The following INTS13 variants were observed in gnomAD, a reference collection of about 807,000 sequenced individuals.
INTS13 encodes the protein integrator complex subunit 13, also known as asunder, spermatogenesis regulator homolog (Drosphila).
A neutral mutation model predicts 90.2 loss-of-function variants in INTS13; 35 were observed. The ratio of observed to expected loss-of-function variants is 0.39; its 90% CI spans 0.30 to 0.51. The LOEUF is 0.51. Ranked by LOEUF, INTS13 falls within the 20% of genes least tolerant of loss-of-function variation. INTS13 has a pLI of 0.80. For missense variants in INTS13, 601 were observed against 851.2 expected, an observed-to-expected ratio of 0.71 and a Z score of 3.66; for synonymous variants, 309 against 277.1, an observed-to-expected ratio of 1.11 and a Z score of -1.14.
At chr12:26,921,715 G>A (rs1952123230) in intron 8 of INTS13, among the ~76,000 whole-genome samples, 1 of 152,182 alleles carries the variant, frequency 6.6e-6, no homozygotes, top group Non-Finnish European at 1.5e-5. Context: ...GGGTGTAGTG[G>A]CATGATCTCA....
In INTS13 at chr12:26,928,860, C is replaced by A. The variant is rs1284916468; in HGVS notation, c.346G>T (p.Asp116Tyr). The change falls in exon 4 of 17, where the codon GAT becomes TAT. Residue 116 changes from aspartate (D) to tyrosine (Y), a missense_variant. By Grantham distance (160) the Asp-to-Tyr change is radical (BLOSUM62 -3). This residue lies in a region of INTS13 where 284 missense variants were observed against 387.7 expected (regional missense o/e 0.73). Coordinates refer to ENST00000261191, the MANE Select transcript of INTS13 (RefSeq NM_018164.3). The part of the protein sequence containing the change: ...AAVGPPNPRA[D>Y]PECCSILHGL... ...TGCAGAATACTGCAGCACTCTGGAT[C>A]TGCCCGAGGATTAGGAGGCCCAACA... 3.1e-6 allele frequency: 5 copies of A among 1,614,218 alleles called. No homozygotes were observed. Among genetic ancestry groups the A allele is most frequent in the Non-Finnish European group, 3.4e-6 (4 of 1,180,044 alleles).
At chr12:26,934,476 A>T (rs909165996) in intron 3 of INTS13, 80 bp downstream of exon 3, 7 of 1,051,354 alleles carry the variant, frequency 6.7e-6, no homozygotes, top group South Asian at 4.1e-5. Flanking sequence ...AGAGTGATTT[A>T]AAAAATTAGT....
At chr12:26,934,518 T>C in intron 3 of INTS13, 38 bp downstream of exon 3, 1 of 1,395,502 alleles carries the variant, frequency 7.2e-7, no homozygotes, top group Non-Finnish European at 1.0e-6. Flanking sequence ...CACATTTAGA[T>C]AATTTACAAA....
intron 14 of INTS13, among the ~76,000 whole-genome samples, chr12:26,912,932 T>C (rs922044715): frequency 6.6e-6 from 1 of 152,188 alleles, no homozygotes; most frequent in South Asian, 2.1e-4. Context: ...GATTTTGCCA[T>C]GTTGGCCAGG....
Position 26,922,704 on chromosome 12 carries a change from G to T in INTS13, c.805-4C>A. Reference sequence around the variant, plus strand: ...ATGTGTTAGCATGCTGTTCTTCCTTGAAGTAAAATTTCAAACATTTTAAAA... The same window carrying T: ...ATGTGTTAGCATGCTGTTCTTCCTTTAAGTAAAATTTCAAACATTTTAAAA... On this transcript the variant is annotated splice_polypyrimidine_tract_variant and splice_region_variant and intron_variant, in intron 7 of 16. Transcript: ENST00000261191. 1 of 1,535,896 alleles carries T rather than the reference G, an allele frequency of 6.5e-7. No homozygotes were observed.
chr12:26,912,055 T>A (rs938584122), intron 14 of INTS13, among the ~76,000 whole-genome samples: 1 of 152,252 alleles, frequency 6.6e-6, no homozygotes, highest in Non-Finnish European at 1.5e-5. Context: ...AAATGAGATC[T>A]GCCATGAATT....
At chr12:26,933,333 G>T (rs536685518) in intron 3 of INTS13, among the ~76,000 whole-genome samples, 1 of 152,198 alleles carries the variant, frequency 6.6e-6, no homozygotes, top group South Asian at 2.1e-4. Flanking sequence ...TCCCTGTACT[G>T]GAAAATACAA....
chr12:26,922,830 G>A, intron 7 of INTS13, 130 bp from the exon 8 acceptor site: 2 of 516,122 alleles, frequency 3.9e-6, no homozygotes, highest in South Asian at 6.8e-5. Context: ...CTAAAATAAT[G>A]GGATAATCTA....
At chr12:26,912,685 C>CAAGGA (rs1455862140) in intron 14 of INTS13, among the ~76,000 whole-genome samples, 4 of 151,782 alleles carry the variant, frequency 2.6e-5, no homozygotes, top group African/African-American at 9.7e-5. Context: ...CAAGGACATC[C>CAAGGA]TATGCCTATT....
At chr12:26,933,120 G>C (rs1018820021) in intron 3 of INTS13, among the ~76,000 whole-genome samples, 6 of 152,214 alleles carry the variant, frequency 3.9e-5, no homozygotes, top group Admixed American at 2.6e-4. Flanking sequence ...AAAGTTCTTG[G>C]AAATTAAAAG....
chr12:26,920,028 T>C (rs1032454226), intron 8 of INTS13, among the ~76,000 whole-genome samples: 2 of 151,478 alleles, frequency 1.3e-5, no homozygotes, highest in African/African-American at 2.4e-5. Context: ...CTCGGGAGGC[T>C]GAGGCAGGAA....
Position 26,917,381 on chromosome 12 carries a change from G to T in INTS13, c.1040C>A (p.Ser347Tyr). 1 of 1,539,270 alleles carries T rather than the reference G, an allele frequency of 6.5e-7. No individual in the cohort carries two copies. Among genetic ancestry groups the T allele is most frequent in the Non-Finnish European group, 8.8e-7 (1 of 1,134,076 alleles). Residue 347 changes from serine (S) to tyrosine (Y), a missense_variant, in exon 10 of 17, where the codon TCC becomes TAC. By Grantham distance (144) the Ser-to-Tyr change is moderately radical. Around this residue, in one of 3 missense-constraint regions of INTS13, gnomAD observed 89 missense variants for 191.0 expected, o/e 0.47. Transcript: ENST00000261191. ...TAGAAGAAAATTAGTAAGGCAGGAG[G>T]AAGGTCTACTATTTACATCTACAGG... ...ISPVDVNSRP[S>Y]SCLTNFLLNG...
Position 26,914,670 on chromosome 12 carries a change from T to G in INTS13, c.1249-92A>C, listed in dbSNP as rs1565821302. ...TAGTCTGTTTCCCTGATGTCTTCTG[T>G]CCTGTGATGTGCAACAAAACATTTT... is the stretch of plus-strand genomic sequence containing the variant. On this transcript the variant is annotated intron_variant, in intron 11 of 16. Coordinates refer to ENST00000261191, the MANE Select transcript of INTS13 (RefSeq NM_018164.3). The G allele has an allele frequency of 1.0e-5, 10 of 998,808 alleles. No homozygotes were observed. In the South Asian group the frequency reaches 1.8e-4, roughly 18 times the overall value. 61.9% of individuals were successfully genotyped at this position (998,808 alleles called of 1,614,324 possible).
rs760812392 is a variant in INTS13 at position 26,936,826 on chromosome 12, A to T, written c.-11-12T>A. The T allele has an allele frequency of 2.1e-5, 33 of 1,535,348 alleles. No homozygotes were observed. The East Asian group carries it at 7.4e-4, about 35-fold the overall frequency. On this transcript the variant is annotated splice_polypyrimidine_tract_variant and intron_variant, in intron 1 of 16. Transcript: ENST00000261191. ...CATTTTGTTTTAACCTGTAAGGGGA[A>T]AAACATATTAGCCAAATATTTGTAC...
At chr12:26,932,031 G>A (rs1592231264) in intron 3 of INTS13, among the ~76,000 whole-genome samples, 2 of 145,880 alleles carry the variant, frequency 1.4e-5, no homozygotes, top group African/African-American at 2.6e-5. Flanking sequence ...AGGTTGCAGT[G>A]AGCCAAGATC....
In INTS13 at chr12:26,914,122, G is replaced by A; in HGVS notation, c.1426C>T (p.Pro476Ser). The A allele has an allele frequency of 6.4e-7, 1 of 1,572,608 alleles. No homozygotes were observed. Among genetic ancestry groups the A allele is most frequent in the South Asian group, 1.2e-5 (1 of 82,700 alleles). The change falls in exon 13 of 17, where the codon CCA (proline) becomes TCA (serine). Residue 476 changes from proline (P) to serine (S), a missense_variant. Transcript: ENST00000261191. ...TCTTTCACAATAACACTGGCTAATG[G>A]AACTACCTGTTAGATTTTTTTTAAA... is the stretch of plus-strand genomic sequence containing the variant. ...TTIFNMQAVV[P>S]LASVIVKESL...
Position 26,906,366 on chromosome 12 carries a change from C to T in INTS13, c.2017G>A (p.Ala673Thr). 1 of 1,612,510 alleles carries T rather than the reference C, an allele frequency of 6.2e-7. No homozygotes were observed. Among genetic ancestry groups the T allele is most frequent in the Non-Finnish European group, 8.5e-7 (1 of 1,179,154 alleles). Residue 673 changes from alanine (A) to threonine (T), a missense_variant, in exon 16 of 17, where the codon GCT becomes ACT. By Grantham distance (58) the Ala-to-Thr change is moderately conservative. This residue lies in a region of INTS13 where 228 missense variants were observed against 272.5 expected (regional missense o/e 0.84). Coordinates refer to ENST00000261191, the MANE Select transcript of INTS13 (RefSeq NM_018164.3). ...TTATTAACAGAGTTCAAACGTCCAG[C>T]AAATTCCTGATGTTTTCTGGAATTG... ...TANSRKHQEF[A>T]GRLNSVNNRA...
chr12:26,928,424 T>C, intron 4 of INTS13, 139 bp from the exon 5 acceptor site: 1 of 722,090 alleles, frequency 1.4e-6, no homozygotes, highest in Non-Finnish European at 2.3e-6. Flanking sequence ...TGCTAAGTCA[T>C]ACCACTAAAC....
chr12:26,934,700 A>G, intron 2 of INTS13, 70 bp from the exon 3 acceptor site: 1 of 1,123,380 alleles, frequency 8.9e-7, no homozygotes, highest in Non-Finnish European at 1.4e-6. Context: ...ATTTTCAAGT[A>G]ATATGCAATT....
Sources: gnomAD v4.1 joint callset for allele counts (sites outside exome capture counted in the v4.1 genomes callset) on GRCh38, gnomAD v4.1.1 for gene constraint, gnomAD v4.1.1 regional missense constraint, MANE v1.5 for transcripts, NCBI Gene and HGNC (gene_info 2026-07-23, HGNC 2026-07-21) for gene names.